Variants in CTPS2 observed in about 807,000 individuals in gnomAD.
CTPS2 encodes the protein CTP synthase 2, also known as CTP synthase II.
Under a neutral mutation model 46.8 loss-of-function variants are expected in CTPS2, and 19 were observed. That is an observed-to-expected ratio of 0.41 (90% CI 0.28 to 0.60). The LOEUF (loss-of-function observed/expected upper bound fraction) is 0.60. Ranked by LOEUF, CTPS2 falls within the 20% of genes least tolerant of loss-of-function variation. The pLI is 0.35. For missense variants in CTPS2, 286 were observed against 447.6 expected (o/e 0.64, Z 3.26); for synonymous variants, 151 against 165.2 (o/e 0.91, Z 0.66).
At chrX:16,629,563 T>C (rs1356584652) in intron 14 of CTPS2, among the ~76,000 whole-genome samples, 1 of 111,827 alleles carries the variant, frequency 8.9e-6, no homozygotes, top group African/African-American at 3.3e-5. Context: ...TTTCTTTTTT[T>C]TCCCCTGCTC....
At chrX:16,706,181 T>C (rs755213294) in intron 1 of CTPS2, among the ~76,000 whole-genome samples, 4 of 111,633 alleles carry the variant, frequency 3.6e-5, no homozygotes, top group Admixed American at 1.9e-4. Context: ...CCCAGCACTT[T>C]GGGCAGCCAA....
intron 1 of CTPS2, 100 bp downstream of exon 1, chrX:16,712,235 C>T (rs1925519960): frequency 8.9e-6 from 1 of 112,439 alleles, no homozygotes; most frequent in Non-Finnish European, 1.9e-5. Flanking sequence ...CCCACAAGTG[C>T]ACCGGGGCTG....
At chrX:16,611,143 A>G (rs1930236261) in intron 16 of CTPS2, among the ~76,000 whole-genome samples, 1 of 111,768 alleles carries the variant, frequency 8.9e-6, no homozygotes, top group African/African-American at 3.3e-5. Context: ...ATCACACAAT[A>G]TAACCATGTA....
At chrX:16,705,561 C>T (rs968633740) in intron 1 of CTPS2, among the ~76,000 whole-genome samples, 4 of 112,280 alleles carry the variant, frequency 3.6e-5, no homozygotes, top group Non-Finnish European at 7.5e-5. Flanking sequence ...TGAGTCAGGA[C>T]CACCTTCATG....
intron 17 of CTPS2, among the ~76,000 whole-genome samples, chrX:16,591,433 T>G (rs1928896111): frequency 9.0e-6 from 1 of 111,322 alleles, no homozygotes; most frequent in African/African-American, 3.3e-5. Flanking sequence ...ATTACCTGGA[T>G]CTTCAGTTTG....
In CTPS2 at chrX:16,696,130, T is replaced by C. The variant is rs772096967; in HGVS notation, c.438+2106A>G. On this transcript the variant is annotated intron_variant, in intron 4 of 18. Transcript: ENST00000359276. Reference sequence around the variant, plus strand: ...AACTCGTACTAATATAAATAAAACCTGTCAGCTCCACTGGTATGAGAAGTT... The same window carrying C: ...AACTCGTACTAATATAAATAAAACCCGTCAGCTCCACTGGTATGAGAAGTT... Among the ~76,000 whole-genome samples the C allele has an allele frequency of 2.7e-5, 3 of 112,570 alleles. No homozygotes were observed. The East Asian group carries it at 8.4e-4, about 31-fold the overall frequency.
chrX:16,600,599 C>A (rs776540742), intron 17 of CTPS2, among the ~76,000 whole-genome samples: 1 of 111,358 alleles, frequency 9.0e-6, no homozygotes, highest in East Asian at 2.8e-4. Flanking sequence ...TAATTCCATT[C>A]GTGTCTGGCA....
chrX:16,613,313 A>T (rs905369414), intron 16 of CTPS2, among the ~76,000 whole-genome samples: 15 of 111,912 alleles, frequency 1.3e-4, no homozygotes, highest in Non-Finnish European at 2.6e-4. Flanking sequence ...TTAGTGTCAC[A>T]CACTGCAGAG....
intron 4 of CTPS2, among the ~76,000 whole-genome samples, chrX:16,697,942 C>G (rs1195219342): frequency 9.0e-6 from 1 of 111,387 alleles, no homozygotes; most frequent in Non-Finnish European, 1.9e-5. Flanking sequence ...ATCCCAGGCC[C>G]CGGCACAGAA....
At chrX:16,684,509 C>CAAAAAAAA (rs1334791360) in intron 8 of CTPS2, among the ~76,000 whole-genome samples, 6 of 70,029 alleles carry the variant, frequency 8.6e-5, no homozygotes, top group African/African-American at 2.5e-4. Flanking sequence ...ACTCTGTCTC[C>CAAAAAAAA]AAAAAAAAAA....
At chrX:16,701,972 T>A (rs1160638745) in intron 2 of CTPS2, among the ~76,000 whole-genome samples, 2 of 111,427 alleles carry the variant, frequency 1.8e-5, no homozygotes, top group Non-Finnish European at 3.8e-5. Flanking sequence ...TTCATCCAAC[T>A]GTACACTTAT....
intron 1 of CTPS2, among the ~76,000 whole-genome samples, chrX:16,707,546 C>T (rs1925114771): frequency 1.8e-5 from 2 of 111,557 alleles, no homozygotes; most frequent in Non-Finnish European, 1.9e-5. Context: ...TGGTGGCACA[C>T]ACCTGTAGTC....
At chrX:16,697,488 C>T (rs1336050856) in intron 4 of CTPS2, among the ~76,000 whole-genome samples, 1 of 98,698 alleles carries the variant, frequency 1.0e-5, no homozygotes, top group African/African-American at 3.8e-5. Flanking sequence ...CTCCATCACC[C>T]AGGCTGAAGT....
intron 16 of CTPS2, among the ~76,000 whole-genome samples, chrX:16,612,944 G>GT (rs1288717418): frequency 8.9e-6 from 1 of 112,397 alleles, no homozygotes; most frequent in African/African-American, 3.2e-5. Flanking sequence ...CAAGCATCCA[G>GT]TAAGTGCACA....
chrX:16,691,453 A>C (rs1214973260), intron 7 of CTPS2, 87 bp downstream of exon 7: 3 of 782,273 alleles, frequency 3.8e-6, no homozygotes, highest in Non-Finnish European at 5.8e-6. Context: ...AATGCCGTGA[A>C]AAGTAATATG....
intron 11 of CTPS2, 70 bp from the exon 12 acceptor site, chrX:16,667,794 G>A (rs1315188156): frequency 1.0e-6 from 1 of 1,001,028 alleles, no homozygotes; most frequent in Non-Finnish European, 1.4e-6. Context: ...CTGTTCATTT[G>A]TTGGCTGCCT....
chrX:16,691,818 C>T (rs1007837898), intron 6 of CTPS2, among the ~76,000 whole-genome samples, 198 bp from the exon 7 acceptor site: 11 of 112,222 alleles, frequency 9.8e-5, no homozygotes, highest in Admixed American at 5.7e-4. Context: ...CTCGAAACAT[C>T]GAGACGTCTC....
chrX:16,605,001 C>T (rs1472060751), intron 17 of CTPS2, among the ~76,000 whole-genome samples: 1 of 112,295 alleles, frequency 8.9e-6, no homozygotes, highest in Non-Finnish European at 1.9e-5. Flanking sequence ...CTTGAGGCTG[C>T]TATCTTTCAA....
chrX:16,617,870 T>C (rs1359108456), intron 15 of CTPS2, among the ~76,000 whole-genome samples: 2 of 112,137 alleles, frequency 1.8e-5, no homozygotes, highest in Admixed American at 9.5e-5. Flanking sequence ...TCACCTATTC[T>C]TTGCAATCTT....
Sources: gnomAD v4.1 joint callset for allele counts (sites outside exome capture counted in the v4.1 genomes callset) on GRCh38, gnomAD v4.1.1 for gene constraint, MANE v1.5 for transcripts, NCBI Gene and HGNC (gene_info 2026-07-23, HGNC 2026-07-21) for gene names.